The following FHOD1 variants were observed in gnomAD, a reference collection of about 807,000 sequenced individuals.
FHOD1 encodes the protein formin homology 2 domain containing 1, also known as FH1/FH2 domain-containing protein 1.
A neutral mutation model predicts 111.6 loss-of-function variants in FHOD1; 89 were observed. That is an observed-to-expected ratio of 0.80 (90% CI 0.67 to 0.95). The LOEUF (loss-of-function observed/expected upper bound fraction) is 0.95. Among genes scored for constraint, FHOD1 ranks in the 40% least tolerant of loss-of-function variants. The pLI is 0.00. For missense variants in FHOD1, 1,446 were observed against 1,554.2 expected, an observed-to-expected ratio of 0.93 and a Z score of 1.17; for synonymous variants, 618 against 639.0, an observed-to-expected ratio of 0.97 and a Z score of 0.50.
Position 67,234,072 on chromosome 16 carries a change from A to T in FHOD1, c.1631T>A (p.Leu544Gln). ...TRAPRLSIGD[L>Q]DFSDLGEDED... ...ATCCTCCCCTAGATCTGAAAAGTCC[A>T]GGTCCCCAATAGAGAGCCTGGGTGC... is the stretch of plus-strand genomic sequence containing the variant. Residue 544 changes from leucine to glutamine, a missense_variant, in exon 13 of 22, where the codon CTG becomes CAG. Physicochemically the swap from Leu to Gln is moderately radical, Grantham distance 113. Transcript: ENST00000258201. The T allele has an allele frequency of 6.2e-7, 1 of 1,612,384 alleles. No individual in the cohort carries two copies. Among genetic ancestry groups the T allele is most frequent in the Non-Finnish European group, 8.5e-7 (1 of 1,178,932 alleles).
intron 13 of FHOD1, among the ~76,000 whole-genome samples, chr16:67,233,394 A>C (rs2034351771): frequency 6.6e-6 from 1 of 152,146 alleles, no homozygotes; most frequent in Non-Finnish European, 1.5e-5. Flanking sequence ...ACCAACTTTT[A>C]GTAGAGATAA....
At position 67,229,595 on chromosome 16, in the gene FHOD1, T is replaced by G; in HGVS notation, c.*41A>C. 6.4e-7 allele frequency: 1 copy of G among 1,566,328 alleles called. No homozygotes were observed. Among genetic ancestry groups the G allele is most frequent in the Non-Finnish European group, 8.8e-7 (1 of 1,136,422 alleles). On this transcript the variant is annotated 3_prime_UTR_variant, in exon 22 of 22. Transcript: ENST00000258201. ...CTCCTCACTCTGTCATCTCCTGCACTGCAGTCCAGGGTCCAGATAGATTTC... is the reference window on the plus strand; with the variant it reads ...CTCCTCACTCTGTCATCTCCTGCACGGCAGTCCAGGGTCCAGATAGATTTC...
Position 67,237,262 on chromosome 16 carries a change from G to T in FHOD1, c.970C>A (p.Arg324Ser). 6.2e-7 allele frequency: 1 copy of T among 1,613,848 alleles called. No individual in the cohort carries two copies. The highest frequency in any genetic ancestry group is 2.2e-5 in the East Asian group (1 of 44,878). Residue 324 changes from arginine to serine, a missense_variant, in exon 9 of 22, where the codon CGC (arginine) becomes AGC (serine). This residue lies in a region of FHOD1 where 234 missense variants were observed against 327.4 expected (regional missense o/e 0.71). Transcript: ENST00000258201. The surrounding 1 kb of genome is among the most constrained non-coding windows in gnomAD (Gnocchi z 5.6). ...ACCTCGTAGAGCACAAGCTGCGTGC[G>T]CAGGTCGACGTCAGTGCCCGCAGTG... ...LGTAGTDVDL[R>S]TQLVLYENAL...
rs2034585315 is a variant in FHOD1, at chr16:67,238,772, T to C, written c.373+131A>G. On this transcript the variant is annotated intron_variant, in intron 3 of 21. Transcript: ENST00000258201. This position sits in a 1 kb window ranked among gnomAD's most constrained non-coding sequence, Gnocchi z 4.2. The stretch of plus-strand genomic sequence containing the variant: ...CCCACCATGGCCCTGGAAGAAGAGG[T>C]CAGGATAGGGAGAGGAAGGAGCACA... The C allele has an allele frequency of 5.8e-6, 5 of 861,612 alleles. No individual in the cohort carries two copies. Among genetic ancestry groups the C allele is most frequent in the Non-Finnish European group, 9.6e-6 (5 of 519,182 alleles). The allele number at this position is 861,612 out of a possible 1,614,324, so 53.4% of individuals were successfully genotyped here. A position where few individuals can be genotyped will look rare whatever the true frequency, so the allele number is the denominator to read the frequency against.
chr16:67,231,079 G>T lies in FHOD1; in HGVS notation c.2667+109C>A. On this transcript the variant is annotated intron_variant, in intron 17 of 21. Transcript: ENST00000258201. The surrounding 1 kb of genome is among the most constrained non-coding windows in gnomAD (Gnocchi z 4.3). ...CATAGCTCACACCCAGGTGGCTGGAGCAAGCCCTGGCACAGCAGCCCAAAT... is the reference window on the plus strand; with the variant it reads ...CATAGCTCACACCCAGGTGGCTGGATCAAGCCCTGGCACAGCAGCCCAAAT... 7.0e-7 allele frequency: 1 copy of T among 1,421,110 alleles called. No individual in the cohort carries two copies. The highest frequency in any genetic ancestry group is 9.6e-7 in the Non-Finnish European group (1 of 1,041,232). The allele number at this position is 1,421,110 out of a possible 1,614,324, so 88.0% of individuals were successfully genotyped here.
In FHOD1 at chr16:67,230,693, G is replaced by A. The variant is rs1474170891; in HGVS notation, c.2766C>T (p.Ala922=). ...GGGTGAGGCGGGCACGCAGGGCTGG[G>A]GCCAGCTCATGCTTGGCCAAGCTCC... ...SLRSLAKHEL[A]PALRARLTHF... is the part of the protein sequence containing the mutation. The change falls in exon 18 of 22, where the codon GCC becomes GCT. Residue 922 remains alanine (A), a synonymous_variant. Coordinates refer to ENST00000258201, the MANE Select transcript of FHOD1 (RefSeq NM_013241.3). The A allele has an allele frequency of 6.2e-7, 1 of 1,613,840 alleles. No individual in the cohort carries two copies. The highest frequency in any genetic ancestry group is 8.5e-7 in the Non-Finnish European group (1 of 1,179,994).
intron 13 of FHOD1, among the ~76,000 whole-genome samples, chr16:67,232,728 A>G (rs1294815309): frequency 6.6e-6 from 1 of 151,752 alleles, no homozygotes; most frequent in Non-Finnish European, 1.5e-5. Flanking sequence ...TGGTGCCATC[A>G]TCGCCCACTG....
chr16:67,229,927 T>G lies in FHOD1; in HGVS notation c.3278A>C (p.Glu1093Ala), dbSNP rs1485847943. 1 of 1,614,158 alleles carries G rather than the reference T, an allele frequency of 6.2e-7. No homozygotes were observed. Among genetic ancestry groups the G allele is most frequent in the South Asian group, 1.1e-5 (1 of 91,084 alleles). ...TVGPSTASPE[E>A]PPGSSLPSDT... ...ACTGGGTAAACTGGAGCCTGGGGGT[T>G]CTTCTGGGGATGCAGTGGAGGGCCC... The change falls in exon 21 of 22, where the codon GAA (glutamate) becomes GCA (alanine). Residue 1093 changes from glutamate (E) to alanine (A), a missense_variant. Glu to Ala is a moderately radical substitution (Grantham distance 107). Coordinates refer to ENST00000258201, the MANE Select transcript of FHOD1 (RefSeq NM_013241.3).
In FHOD1 at chr16:67,229,424, C is replaced by T. The variant is rs982454664; in HGVS notation, c.*212G>A. On this transcript the variant is annotated 3_prime_UTR_variant, in exon 22 of 22. Transcript: ENST00000258201. Reference sequence around the variant, plus strand: ...TAAGAAAATTTTATTTTGCTCCGTGCGTTCAAGGAGCTCACACACATGCAC... The same window carrying T: ...TAAGAAAATTTTATTTTGCTCCGTGTGTTCAAGGAGCTCACACACATGCAC... 35 of 599,626 alleles carry T rather than the reference C, an allele frequency of 5.8e-5. No individual in the cohort carries two copies. Among genetic ancestry groups the T allele is most frequent in the Non-Finnish European group, 6.5e-5 (22 of 337,214 alleles). The allele number at this position is 599,626 out of a possible 1,614,324, so 37.1% of individuals were successfully genotyped here. A position where few individuals can be genotyped will look rare whatever the true frequency, so the allele number is the denominator to read the frequency against.
In FHOD1 at chr16:67,238,816, G is replaced by T; in HGVS notation, c.373+87C>A. On this transcript the variant is annotated intron_variant, in intron 3 of 21. Coordinates refer to ENST00000258201, the MANE Select transcript of FHOD1 (RefSeq NM_013241.3). The surrounding 1 kb of genome is among the most constrained non-coding windows in gnomAD (Gnocchi z 4.2). The stretch of plus-strand genomic sequence containing the variant: ...GAGCACATACAGCTAAACCTACTTT[G>T]CTCACTGTTCAGCACAGGCCTGAAG... 2 of 1,290,630 alleles carry T rather than the reference G, an allele frequency of 1.5e-6. No homozygotes were observed. Among genetic ancestry groups the T allele is most frequent in the Admixed American group, 1.7e-5 (1 of 59,264 alleles). 79.9% of individuals were successfully genotyped at this position (1,290,630 alleles called of 1,614,324 possible). A position where few individuals can be genotyped will look rare whatever the true frequency, so the allele number is the denominator to read the frequency against.
rs751687594 is a variant in FHOD1, at chr16:67,234,136, T to G, written c.1567A>C (p.Ser523Arg). ...TCCCAGATGGGCTCAGCCTTGGGGC[T>G]TGCTGGTATCAGTGGCTCCTTGGGC... ...PEPKEPLIPA[S>R]PKAEPIWELP... Residue 523 changes from serine (S) to arginine (R), a missense_variant, in exon 13 of 22, where the codon AGC becomes CGC. Ser to Arg is a moderately radical substitution (Grantham distance 110, BLOSUM62 -1). Around this residue, in one of 3 missense-constraint regions of FHOD1, gnomAD observed 1,085 missense variants for 1,108.8 expected, o/e 0.98. Coordinates refer to ENST00000258201, the MANE Select transcript of FHOD1 (RefSeq NM_013241.3). The G allele has an allele frequency of 6.4e-7, 1 of 1,570,302 alleles. No homozygotes were observed. The highest frequency in any genetic ancestry group is 1.8e-5 in the Admixed American group (1 of 55,930).
rs1029987933 is a variant in FHOD1, at chr16:67,231,137, C to G, written c.2667+51G>C. On this transcript the variant is annotated intron_variant, in intron 17 of 21. Transcript: ENST00000258201. The surrounding 1 kb of genome is among the most constrained non-coding windows in gnomAD (Gnocchi z 4.3). ...AGGGGGAGGAGCCAGGCCCAGGAAG[C>G]AGCGCTCCTCATGCCTTGTCCGGCC... is the stretch of plus-strand genomic sequence containing the variant. The G allele has an allele frequency of 6.3e-6, 10 of 1,599,892 alleles. No homozygotes were observed. The Admixed American group carries it at 1.2e-4, about 19-fold the overall frequency.
At chr16:67,247,182 G>A (rs2034888419) in intron 1 of FHOD1, 28 bp downstream of exon 1, 2 of 1,503,276 alleles carry the variant, frequency 1.3e-6, no homozygotes, top group Non-Finnish European at 1.8e-6. Flanking sequence ...ACCCCCGATC[G>A]CCCCAACCTT....
rs1254155595 is a variant in FHOD1 at position 67,231,407 on chromosome 16, A to G, written c.2505+23T>C. On this transcript the variant is annotated intron_variant, in intron 16 of 21. Transcript: ENST00000258201. The surrounding 1 kb of genome is among the most constrained non-coding windows in gnomAD (Gnocchi z 4.3). ...TGGCTCCAGAACCCTGACTCCCCCTAGTCCCCATGTACTCTCACTCACCTG... is the reference window on the plus strand; with the variant it reads ...TGGCTCCAGAACCCTGACTCCCCCTGGTCCCCATGTACTCTCACTCACCTG... 5.0e-6 allele frequency: 8 copies of G among 1,613,584 alleles called. No individual in the cohort carries two copies. Among genetic ancestry groups the G allele is most frequent in the Non-Finnish European group, 6.8e-6 (8 of 1,179,896 alleles).
rs369591941 is a variant in FHOD1, at chr16:67,230,078, G to A, written c.3202C>T (p.Arg1068Cys). 31 of 1,613,954 alleles carry A rather than the reference G, an allele frequency of 1.9e-5. No homozygotes were observed. Among genetic ancestry groups the A allele is most frequent in the African/African-American group, 2.7e-5 (2 of 74,908 alleles). Reference sequence around the variant, plus strand: ...CTATGGGCCTCACCTCTGCTGCGGCGATTGTGTGTGGTGTCCTCAGGCCTG... The same window carrying A: ...CTATGGGCCTCACCTCTGCTGCGGCAATTGTGTGTGGTGTCCTCAGGCCTG... ...TSRPEDTTHN[R>C]RSRGMVQSSS... Residue 1068 changes from arginine (R) to cysteine (C), a missense_variant, in exon 20 of 22, where the codon CGC becomes TGC. This residue lies in a region of FHOD1 where 1,085 missense variants were observed against 1,108.8 expected (regional missense o/e 0.98). Transcript: ENST00000258201.
rs1415927342 is a variant in FHOD1 at position 67,237,703 on chromosome 16, G to A, written c.708C>T (p.Asn236=). 5.6e-6 allele frequency: 9 copies of A among 1,614,060 alleles called. No homozygotes were observed. The highest frequency in any genetic ancestry group is 1.6e-4 in the Middle Eastern group (1 of 6,084). ...LLVFVEYSEN[N]APLFIRAVNS... ...TCACTGCACGGATGAACAGCGGTGC[G>A]TTGTTTTCGGAGTATTCTACAAACA... Residue 236 remains asparagine (N), a synonymous_variant, in exon 7 of 22, where the codon AAC becomes AAT. Coordinates refer to ENST00000258201, the MANE Select transcript of FHOD1 (RefSeq NM_013241.3). This position sits in a 1 kb window ranked among gnomAD's most constrained non-coding sequence, Gnocchi z 5.6.
chr16:67,245,264 T>C (rs549992294), intron 1 of FHOD1, among the ~76,000 whole-genome samples: 7 of 152,184 alleles, frequency 4.6e-5, no homozygotes, highest in South Asian at 2.1e-4. Context: ...AAGGACTGCA[T>C]TGGGGATGAG....
At position 67,233,839 on chromosome 16, in the gene FHOD1, T is replaced by A. The variant is rs2034369718; in HGVS notation, c.1864A>T (p.Thr622Ser). 1 of 1,556,674 alleles carries A rather than the reference T, an allele frequency of 6.4e-7. No individual in the cohort carries two copies. Among genetic ancestry groups the A allele is most frequent in the Non-Finnish European group, 8.7e-7 (1 of 1,145,332 alleles). Residue 622 changes from threonine to serine, a missense_variant, in exon 13 of 22, where the codon ACT becomes TCT. By Grantham distance (58) the Thr-to-Ser change is moderately conservative. Transcript: ENST00000258201. ...HSVPDSSALP[T>S]KRKTVKLFWR... Reference sequence around the variant, plus strand: ...AAAAGTTTTACTGTCTTCCTCTTAGTGGGGAGGGCTGAGCTGTCAGGCACT... The same window carrying A: ...AAAAGTTTTACTGTCTTCCTCTTAGAGGGGAGGGCTGAGCTGTCAGGCACT...
In FHOD1 at chr16:67,236,873, C is replaced by T. The variant is rs989518083; in HGVS notation, c.1142+93G>A. 4 of 868,804 alleles carry T rather than the reference C, an allele frequency of 4.6e-6. No individual in the cohort carries two copies. The South Asian group carries it at 1.1e-4, about 25-fold the overall frequency. The allele number at this position is 868,804 out of a possible 1,614,324, so 53.8% of individuals were successfully genotyped here. A position where few individuals can be genotyped will look rare whatever the true frequency, so the allele number is the denominator to read the frequency against. ...GAGGAGGTGGGGGCTGTCTGTGGGG[C>T]GGGGCCTGAGGGGGTTGGGGTCAGG... On this transcript the variant is annotated intron_variant, in intron 10 of 21. Transcript: ENST00000258201.
Sources: gnomAD v4.1 joint callset for allele counts (sites outside exome capture counted in the v4.1 genomes callset) on GRCh38, gnomAD v4.1.1 for gene constraint, gnomAD v4.1.1 regional missense constraint, Gnocchi (gnomAD v3.1) non-coding constraint, MANE v1.5 for transcripts, NCBI Gene and HGNC (gene_info 2026-07-23, HGNC 2026-07-21) for gene names.